The following SDK1 variants were observed in gnomAD, a reference collection of about 807,000 sequenced individuals.
The protein encoded by SDK1 is protein sidekick-1.
SDK1 carries 157 observed loss-of-function variants against 245.5 expected under a neutral mutation model. That is an observed-to-expected ratio of 0.64 (90% CI 0.56 to 0.73). The LOEUF is 0.73. Among genes scored for constraint, SDK1 ranks in the 30% least tolerant of loss-of-function variants. The pLI is 0.00. For missense variants in SDK1, 3,583 were observed against 3,002.3 expected, an observed-to-expected ratio of 1.19 and a Z score of -4.52; for synonymous variants, 1,647 against 1,278.5, an observed-to-expected ratio of 1.29 and a Z score of -6.15.
intron 4 of SDK1, among the ~76,000 whole-genome samples, chr7:3,672,768 T>TATATATATATATAC (rs1783750864): frequency 4.4e-5 from 2 of 45,538 alleles, no homozygotes; most frequent in Non-Finnish European, 7.2e-5. Context: ...TTTATATATA[T>TATATATATATATAC]ATATATATAT....
intron 5 of SDK1, among the ~76,000 whole-genome samples, chr7:3,922,009 C>T (rs1020151096): frequency 6.6e-6 from 1 of 152,136 alleles, no homozygotes; most frequent in African/African-American, 2.4e-5. Context: ...ATTCCAGCCC[C>T]TGTTACTCAG....
intron 5 of SDK1, among the ~76,000 whole-genome samples, chr7:3,849,140 C>G (rs1019135558): frequency 3.9e-5 from 6 of 152,168 alleles, no homozygotes; most frequent in Non-Finnish European, 1.5e-5. Flanking sequence ...GTTTCCTTTT[C>G]TCTCCAAATG....
intron 1 of SDK1, among the ~76,000 whole-genome samples, chr7:3,379,988 G>T (rs1781446219): frequency 6.6e-6 from 1 of 152,114 alleles, no homozygotes; most frequent in Non-Finnish European, 1.5e-5. Flanking sequence ...TTTCAGATAA[G>T]GGATTTTCAA....
chr7:3,866,105 A>G (rs1041838325), intron 5 of SDK1, among the ~76,000 whole-genome samples: 4 of 152,194 alleles, frequency 2.6e-5, no homozygotes, highest in African/African-American at 9.6e-5. Context: ...CTTTTTAGCT[A>G]TTTTAGAATA....
At chr7:3,514,558 G>A (rs568126982) in intron 1 of SDK1, among the ~76,000 whole-genome samples, 3 of 152,222 alleles carry the variant, frequency 2.0e-5, no homozygotes, top group East Asian at 1.9e-4. Flanking sequence ...CATTCACCTC[G>A]TGTGTCTCGT....
At chr7:3,917,629 C>T (rs1322455947) in intron 5 of SDK1, among the ~76,000 whole-genome samples, 2 of 152,086 alleles carry the variant, frequency 1.3e-5, no homozygotes, top group East Asian at 3.9e-4. Context: ...GCCTGATGAA[C>T]CACACTCCTT....
chr7:4,081,899 C>T (rs930974686), intron 22 of SDK1, among the ~76,000 whole-genome samples: 1 of 152,150 alleles, frequency 6.6e-6, no homozygotes, highest in Non-Finnish European at 1.5e-5. Context: ...TGTCACTTTT[C>T]CCCCATACAC....
intron 1 of SDK1, among the ~76,000 whole-genome samples, chr7:3,426,567 G>C (rs1242058693): frequency 6.6e-6 from 1 of 152,180 alleles, no homozygotes; most frequent in Non-Finnish European, 1.5e-5. Flanking sequence ...TACCTAGCAC[G>C]TTGCATCCAA....
chr7:4,161,491 G>A (rs894061514), intron 31 of SDK1, among the ~76,000 whole-genome samples: 5 of 152,160 alleles, frequency 3.3e-5, no homozygotes, highest in Admixed American at 2.0e-4. Flanking sequence ...TCGAGCCAGA[G>A]AGCTCCAGGA....
chr7:3,485,812 T>C (rs1220686416), intron 1 of SDK1, among the ~76,000 whole-genome samples: 1 of 151,782 alleles, frequency 6.6e-6, no homozygotes, highest in Non-Finnish European at 1.5e-5. Context: ...TTTCTTATTA[T>C]ATTTATGAAT....
intron 1 of SDK1, among the ~76,000 whole-genome samples, chr7:3,471,568 C>G (rs934234341): frequency 4.6e-5 from 7 of 152,150 alleles, no homozygotes; most frequent in African/African-American, 1.7e-4. Context: ...CATTTAGACG[C>G]AATTCAATTT....
At chr7:3,349,201 C>G (rs1380054198) in intron 1 of SDK1, among the ~76,000 whole-genome samples, 1 of 151,100 alleles carries the variant, frequency 6.6e-6, no homozygotes. Context: ...AAAAAAACAA[C>G]AAAAAAAACA....
intron 1 of SDK1, among the ~76,000 whole-genome samples, chr7:3,561,753 G>A (rs1045037407): frequency 1.3e-5 from 2 of 152,260 alleles, no homozygotes; most frequent in Non-Finnish European, 2.9e-5. Flanking sequence ...AAGAGCTCAC[G>A]TTCCCTTCCA....
chr7:3,384,113 T>C (rs2128567822), intron 1 of SDK1, among the ~76,000 whole-genome samples: 1 of 152,326 alleles, frequency 6.6e-6, no homozygotes, highest in Admixed American at 6.5e-5. Flanking sequence ...TCACTGTATT[T>C]ATTTGAAATG....
chr7:3,915,481 T>G (rs1274883884), intron 5 of SDK1, among the ~76,000 whole-genome samples: 1 of 152,218 alleles, frequency 6.6e-6, no homozygotes, highest in Non-Finnish European at 1.5e-5. Flanking sequence ...CGGATGGTTT[T>G]CTGAGGGGTT....
chr7:4,039,866 T>A (rs1414723089), intron 17 of SDK1, among the ~76,000 whole-genome samples: 1 of 152,168 alleles, frequency 6.6e-6, no homozygotes, highest in Non-Finnish European at 1.5e-5. Flanking sequence ...AAAATCATTT[T>A]TGTTTTAATA....
At chr7:3,357,601 G>C (rs932802591) in intron 1 of SDK1, among the ~76,000 whole-genome samples, 1 of 151,592 alleles carries the variant, frequency 6.6e-6, no homozygotes, top group Non-Finnish European at 1.5e-5. Context: ...TCCTCCCTTG[G>C]CCTCCCGAAG....
intron 1 of SDK1, among the ~76,000 whole-genome samples, chr7:3,435,300 T>A (rs956749087): frequency 1.4e-5 from 2 of 147,724 alleles, no homozygotes; most frequent in African/African-American, 5.0e-5. Flanking sequence ...ATTTTGATAC[T>A]TGACTTATGA....
intron 22 of SDK1, among the ~76,000 whole-genome samples, chr7:4,099,042 A>G (rs1287082017): frequency 6.6e-6 from 1 of 151,640 alleles, no homozygotes; most frequent in Non-Finnish European, 1.5e-5. Context: ...TGGCCAGGGG[A>G]GTATGTGAAA....
Sources: gnomAD v4.1 joint callset for allele counts (sites outside exome capture counted in the v4.1 genomes callset) on GRCh38, gnomAD v4.1.1 for gene constraint, MANE v1.5 for transcripts, NCBI Gene and HGNC (gene_info 2026-07-23, HGNC 2026-07-21) for gene names.